The following VCAN variants were observed in gnomAD, a reference collection of about 807,000 sequenced individuals.
VCAN encodes the protein versican core protein.
Under a neutral mutation model 245.5 loss-of-function variants are expected in VCAN, and 44 were observed. The observed-to-expected ratio is 0.18, with a 90% CI of 0.14 to 0.23. VCAN has a LOEUF of 0.23. Ranked by LOEUF, VCAN falls within the 10% of genes least tolerant of loss-of-function variation. The probability of loss-of-function intolerance (pLI) is 1.00; values close to 1 mark genes in which losing one functional copy is unlikely to be tolerated. For synonymous variants in VCAN, 1,413 were observed against 1,437.0 expected (o/e 0.98, Z 0.38); for missense variants, 3,793 against 4,057.9 (o/e 0.93, Z 1.77).
chr5:83,550,434 G>T (rs1412769200), intron 10 of VCAN, among the ~76,000 whole-genome samples: 1 of 152,096 alleles, frequency 6.6e-6, no homozygotes, highest in Non-Finnish European at 1.5e-5. Flanking sequence ...CACAAAGGTT[G>T]CCTTTTAATA....
chr5:83,538,730 A>T lies in VCAN; in HGVS notation c.5727A>T (p.Ser1909=). The T allele has an allele frequency of 6.2e-7, 1 of 1,614,114 alleles. No homozygotes were observed. Among genetic ancestry groups the T allele is most frequent in the Non-Finnish European group, 8.5e-7 (1 of 1,179,974 alleles). ...ITQTSREIVI[S]ERLGEPNYGA... Reference sequence around the variant, plus strand: ...AAACATCCAGGGAAATAGTGATTTCAGAGCGATTAGGAGAACCAAATTATG... The same window carrying T: ...AAACATCCAGGGAAATAGTGATTTCTGAGCGATTAGGAGAACCAAATTATG... The change falls in exon 8 of 15, where the codon TCA becomes TCT. Residue 1909 remains serine, a synonymous_variant. Coordinates refer to ENST00000265077, the MANE Select transcript of VCAN (RefSeq NM_004385.5).
At chr5:83,509,064 AAAG>A (rs991347231) in intron 5 of VCAN, among the ~76,000 whole-genome samples, 3 of 81,370 alleles carry the variant, frequency 3.7e-5, no homozygotes, top group African/African-American at 5.1e-5. Flanking sequence ...GAAAGAAAGA[AAAG>A]AAAGAAAGAA....
intron 2 of VCAN, among the ~76,000 whole-genome samples, chr5:83,484,509 T>TTCCATCCA (rs200174622): frequency 2.4e-3 from 363 of 149,244 alleles, no homozygotes; most frequent in Middle Eastern, 0.011. Context: ...CCATCCATCC[T>TTCCATCCA]TCCATCCATC....
chr5:83,569,479 C>T (rs1252684615), intron 12 of VCAN, among the ~76,000 whole-genome samples: 1 of 151,882 alleles, frequency 6.6e-6, no homozygotes, highest in Non-Finnish European at 1.5e-5. Context: ...CAGTAATGAG[C>T]AAAAGAAACC....
In VCAN at chr5:83,541,612, T is replaced by C; in HGVS notation, c.8609T>C (p.Val2870Ala). The C allele has an allele frequency of 6.2e-7, 1 of 1,613,894 alleles. No individual in the cohort carries two copies. The highest frequency in any genetic ancestry group is 8.5e-7 in the Non-Finnish European group (1 of 1,180,000). ...SPQDSFKEIH[V>A]NIEATFKPSS... The stretch of plus-strand genomic sequence containing the variant: ...CAGGATTCTTTTAAGGAAATTCATG[T>C]AAATATTGAAGCGACTTTCAAACCA... Residue 2870 changes from valine (V) to alanine (A), a missense_variant, in exon 8 of 15, where the codon GTA becomes GCA. Coordinates refer to ENST00000265077, the MANE Select transcript of VCAN (RefSeq NM_004385.5).
At chr5:83,550,103 C>T (rs915868876) in intron 10 of VCAN, among the ~76,000 whole-genome samples, 5 of 152,208 alleles carry the variant, frequency 3.3e-5, no homozygotes, top group African/African-American at 1.2e-4. Flanking sequence ...GCTGCACAAA[C>T]TGCCCTTGCC....
intron 12 of VCAN, among the ~76,000 whole-genome samples, chr5:83,565,150 G>C (rs1300328643): frequency 2.0e-5 from 3 of 152,122 alleles, no homozygotes; most frequent in Non-Finnish European, 4.4e-5. Flanking sequence ...AATTTGAACT[G>C]TACCCAATGA....
rs1183525679 is a variant in VCAN, at chr5:83,582,076, T to C, written c.*1642T>C. 4.6e-5 allele frequency: 7 copies of C among 152,166 alleles called. No individual in the cohort carries two copies. Among genetic ancestry groups the C allele is most frequent in the Admixed American group, 4.6e-4 (7 of 15,264 alleles). 9.4% of individuals were successfully genotyped at this position (152,166 alleles called of 1,614,324 possible). Reference sequence around the variant, plus strand: ...CCCTTGGTTGTTGCATTAAATGTAATCCACCTTTAGGTATTTTAGAGCACA... The same window carrying C: ...CCCTTGGTTGTTGCATTAAATGTAACCCACCTTTAGGTATTTTAGAGCACA... On this transcript the variant is annotated 3_prime_UTR_variant, in exon 15 of 15. Coordinates refer to ENST00000265077, the MANE Select transcript of VCAN (RefSeq NM_004385.5).
chr5:83,478,142 A>G (rs965686411), intron 1 of VCAN, among the ~76,000 whole-genome samples: 4 of 151,936 alleles, frequency 2.6e-5, no homozygotes, highest in African/African-American at 4.8e-5. Context: ...GGGTTTCACC[A>G]TGTTGGCCAT....
rs1746084015 is a variant in VCAN at position 83,521,229 on chromosome 5, CT to C, written c.2926del (p.Ser976LeufsTer2). 1.2e-6 allele frequency: 2 copies of C among 1,613,940 alleles called. No homozygotes were observed. The highest frequency in any genetic ancestry group is 1.7e-6 in the Non-Finnish European group (2 of 1,179,914). On this transcript the variant is annotated frameshift_variant, in exon 7 of 15. Coordinates refer to ENST00000265077, the MANE Select transcript of VCAN (RefSeq NM_004385.5). LOFTEE classifies it high-confidence loss of function. ...TYVDSSHTIPLSVIPKTDWGV... is the reference protein window; with the variant it reads ...TYVDSSHTIPXSVIPKTDWGV... ...TGTAGACTCTTCCCATACCATTCCTCTTTCTGTAATTCCCAAGACAGACTGG... is the reference window on the plus strand; with the variant it reads ...TGTAGACTCTTCCCATACCATTCCTCTTCTGTAATTCCCAAGACAGACTGG...
intron 6 of VCAN, among the ~76,000 whole-genome samples, chr5:83,519,134 C>T (rs754452796): frequency 6.6e-5 from 10 of 152,132 alleles, no homozygotes; most frequent in Admixed American, 2.0e-4. Flanking sequence ...ACCCTTATAA[C>T]GTAAAACAAC....
At chr5:83,530,797 C>T (rs1034898727) in intron 7 of VCAN, among the ~76,000 whole-genome samples, 13 of 151,906 alleles carry the variant, frequency 8.6e-5, no homozygotes, top group Non-Finnish European at 1.6e-4. Context: ...TTTTTCATTT[C>T]TATAGAAGTA....
intron 6 of VCAN, among the ~76,000 whole-genome samples, chr5:83,513,172 G>T (rs138142514): frequency 6.6e-6 from 1 of 152,112 alleles, no homozygotes; most frequent in African/African-American, 2.4e-5. Flanking sequence ...AATTAAACAA[G>T]CAAGTAATCT....
chr5:83,493,513 C>A, intron 3 of VCAN, 33 bp from the exon 4 acceptor site: 1 of 1,612,420 alleles, frequency 6.2e-7, no homozygotes, highest in South Asian at 1.1e-5. Flanking sequence ...GAGATTTGAA[C>A]AGGCTGGCAA....
In VCAN at chr5:83,571,934, T is replaced by C. The variant is rs188115890; in HGVS notation, c.9736-482T>C. 2.1e-3 allele frequency among the ~76,000 whole-genome samples: 313 copies of C among 152,198 alleles called. 1 individual carries two copies. Among genetic ancestry groups the C allele is most frequent in the African/African-American group, 7.2e-3 (298 of 41,548 alleles). ...TTGGGTGAAAAGCAATTACAATAAA[T>C]GAGACAAAGTTACTTTATAGTAGTA... On this transcript the variant is annotated intron_variant, in intron 12 of 14. Coordinates refer to ENST00000265077, the MANE Select transcript of VCAN (RefSeq NM_004385.5).
intron 5 of VCAN, among the ~76,000 whole-genome samples, chr5:83,500,638 A>G (rs1745303936): frequency 6.6e-6 from 1 of 152,224 alleles, no homozygotes; most frequent in Non-Finnish European, 1.5e-5. Flanking sequence ...TTAAGTGATT[A>G]GATATGCCTT....
At chr5:83,571,303 GT>G (rs1466726858) in intron 12 of VCAN, among the ~76,000 whole-genome samples, 1 of 152,140 alleles carries the variant, frequency 6.6e-6, no homozygotes, top group East Asian at 1.9e-4. Flanking sequence ...CAGCGACTAT[GT>G]TTTTTACATA....
chr5:83,574,469 A>G (rs538086824), intron 13 of VCAN, among the ~76,000 whole-genome samples: 5 of 152,348 alleles, frequency 3.3e-5, no homozygotes, highest in African/African-American at 1.2e-4. Flanking sequence ...TATCCTGCAT[A>G]CAACCAAAAA....
intron 7 of VCAN, among the ~76,000 whole-genome samples, chr5:83,530,523 G>A (rs1461293065): frequency 6.6e-6 from 1 of 152,058 alleles, no homozygotes; most frequent in Non-Finnish European, 1.5e-5. Context: ...GGAGCAATAG[G>A]AATAAAAGAA....
Sources: allele counts gnomAD v4.1 joint callset (sites outside exome capture counted in the v4.1 genomes callset), GRCh38; gene constraint gnomAD v4.1.1; transcripts MANE v1.5; gene names NCBI Gene and HGNC (gene_info 2026-07-23, HGNC 2026-07-21).